The following YES1 variants were observed in gnomAD, a reference collection of about 807,000 sequenced individuals.
The protein encoded by YES1 is tyrosine-protein kinase Yes.
YES1 carries 39 observed loss-of-function variants against 70.4 expected under a neutral mutation model. The ratio of observed to expected loss-of-function variants is 0.55; its 90% CI spans 0.43 to 0.72. The LOEUF is 0.72. Among genes scored for constraint, YES1 ranks in the 30% least tolerant of loss-of-function variants. The probability of loss-of-function intolerance (pLI) is 0.00; values close to 1 mark genes in which losing one functional copy is unlikely to be tolerated. For missense variants in YES1, 495 were observed against 644.8 expected, an observed-to-expected ratio of 0.77 and a Z score of 2.52; for synonymous variants, 198 against 218.6, an observed-to-expected ratio of 0.91 and a Z score of 0.83.
chr18:760,482 AAAC>A (rs575429585), intron 1 of YES1, among the ~76,000 whole-genome samples: 47 of 152,130 alleles, frequency 3.1e-4, no homozygotes, highest in African/African-American at 1.1e-3. Context: ...AAAAACAAAC[AAAC>A]AACAACAACA....
intron 6 of YES1, 77 bp downstream of exon 6, chr18:745,631 A>G: frequency 3.0e-6 from 4 of 1,347,348 alleles, no homozygotes; most frequent in Non-Finnish European, 4.1e-6. Flanking sequence ...AAATCTTAAG[A>G]GAAATGAGGA....
chr18:732,247 T>C (rs1477987965), intron 11 of YES1, among the ~76,000 whole-genome samples: 2 of 151,700 alleles, frequency 1.3e-5, no homozygotes, highest in Non-Finnish European at 2.9e-5. Flanking sequence ...GAGACCAGCT[T>C]AGCCAACATG....
rs1162809631 is a variant in YES1 at position 745,589 on chromosome 18, T to C, written c.724+119A>G. 7.4e-6 allele frequency: 7 copies of C among 950,070 alleles called. No individual in the cohort carries two copies. In the East Asian group the frequency reaches 9.7e-5, roughly 13 times the overall value. 58.9% of individuals were successfully genotyped at this position (950,070 alleles called of 1,614,324 possible). A position where few individuals can be genotyped will look rare whatever the true frequency, so the allele number is the denominator to read the frequency against. On this transcript the variant is annotated intron_variant, in intron 6 of 11. Transcript: ENST00000314574. ...CCCTTTAGAATACAACAGACATTTA[T>C]TGGGCATGTATTATGTGTAAATAAG... is the stretch of plus-strand genomic sequence containing the variant.
rs1339233814 is a variant in YES1, at chr18:723,877, C to T, written c.*547G>A. The T allele has an allele frequency of 2.0e-5, 3 of 153,588 alleles. No homozygotes were observed. Among genetic ancestry groups the T allele is most frequent in the Admixed American group, 1.3e-4 (2 of 15,468 alleles). 9.5% of individuals were successfully genotyped at this position (153,588 alleles called of 1,614,324 possible). On this transcript the variant is annotated 3_prime_UTR_variant, in exon 12 of 12. Coordinates refer to ENST00000314574, the MANE Select transcript of YES1 (RefSeq NM_005433.4). Reference sequence around the variant, plus strand: ...CCTGTTTATATTCCTTTTGAAAAACCTGGCCCATGTCCATGCAAAAGAAAG... The same window carrying T: ...CCTGTTTATATTCCTTTTGAAAAACTTGGCCCATGTCCATGCAAAAGAAAG...
chr18:807,154 T>C (rs915552258), intron 1 of YES1, among the ~76,000 whole-genome samples: 2 of 151,766 alleles, frequency 1.3e-5, no homozygotes, highest in Non-Finnish European at 2.9e-5. Context: ...GCCAACATGG[T>C]GAAACCCTGT....
intron 1 of YES1, among the ~76,000 whole-genome samples, chr18:769,062 T>TA (rs1905038640): frequency 6.6e-6 from 1 of 152,130 alleles, no homozygotes; most frequent in Non-Finnish European, 1.5e-5. Context: ...CAGCATTCAG[T>TA]ATAGTGACAT....
chr18:790,166 A>C (rs1038826535), intron 1 of YES1, among the ~76,000 whole-genome samples: 1 of 152,244 alleles, frequency 6.6e-6, no homozygotes, highest in Non-Finnish European at 1.5e-5. Context: ...ACCTGAGGTC[A>C]GAAGTTTGAG....
chr18:735,477 A>C (rs180951080), intron 10 of YES1, among the ~76,000 whole-genome samples: 61 of 149,118 alleles, frequency 4.1e-4, no homozygotes, highest in Admixed American at 2.7e-3. Context: ...AATATAATGG[A>C]CTTTGGGGAG....
At chr18:733,782 CAAAAAAAAAAAAAA>C (rs71174280) in intron 10 of YES1, among the ~76,000 whole-genome samples, 3 of 59,242 alleles carry the variant, frequency 5.1e-5, no homozygotes, top group African/African-American at 1.2e-4. Context: ...GACTCCGTCT[CAAAAAAAAAAAAAA>C]AAAAAAAAAA....
At chr18:745,066 G>A (rs1240498144) in intron 6 of YES1, among the ~76,000 whole-genome samples, 2 of 152,082 alleles carry the variant, frequency 1.3e-5, no homozygotes, top group African/African-American at 4.8e-5. Flanking sequence ...GACTCAGTTT[G>A]CAGCTAGCTG....
At position 774,863 on chromosome 18, in the gene YES1, T is replaced by TC. The variant is rs138167572; in HGVS notation, c.-8-18029dup. ...AAAGTTCCTACTATGGCCTTCAAGA[T>TC]CCAATAACCTATTATGCAGCCTTCA... On this transcript the variant is annotated intron_variant, in intron 1 of 11. Coordinates refer to ENST00000314574, the MANE Select transcript of YES1 (RefSeq NM_005433.4). Among the ~76,000 whole-genome samples, 640 of 152,218 alleles carry TC rather than the reference T, an allele frequency of 4.2e-3. 3 individuals carry two copies. Among genetic ancestry groups the TC allele is most frequent in the African/African-American group, 0.015 (611 of 41,522 alleles).
intron 9 of YES1, chr18:739,330 T>C (rs898325571): frequency 6.4e-6 from 1 of 155,114 alleles, no homozygotes; most frequent in Admixed American, 6.5e-5. Flanking sequence ...AATTCCATTA[T>C]TGGCCAGGTA....
intron 11 of YES1, among the ~76,000 whole-genome samples, chr18:729,657 C>T (rs1171074844): frequency 3.3e-4 from 43 of 129,176 alleles, no homozygotes; most frequent in African/African-American, 9.8e-4. Context: ...GACAGAGTCT[C>T]GCTCTGTCAC....
At chr18:748,246 TAC>T (rs1339802757) in intron 3 of YES1, among the ~76,000 whole-genome samples, 1 of 152,178 alleles carries the variant, frequency 6.6e-6, no homozygotes, top group Non-Finnish European at 1.5e-5. Flanking sequence ...CTCAAAATCC[TAC>T]ACACTTAGTT....
At chr18:748,649 C>G (rs2080307637) in intron 3 of YES1, among the ~76,000 whole-genome samples, 1 of 152,096 alleles carries the variant, frequency 6.6e-6, no homozygotes, top group Non-Finnish European at 1.5e-5. Flanking sequence ...TTTATGTGGT[C>G]TTTTGTAATT....
chr18:788,293 C>A (rs1240220961), intron 1 of YES1, among the ~76,000 whole-genome samples: 1 of 152,034 alleles, frequency 6.6e-6, no homozygotes, highest in South Asian at 2.1e-4. Context: ...AGCCTTTTAG[C>A]GTGGGCTATA....
intron 11 of YES1, among the ~76,000 whole-genome samples, 183 bp downstream of exon 11, chr18:732,651 T>C (rs2080106050): frequency 6.6e-6 from 1 of 151,944 alleles, no homozygotes; most frequent in South Asian, 2.1e-4. Context: ...TTTCACTGAC[T>C]TACCCGTCCA....
chr18:746,621 C>A (rs1472110477), intron 4 of YES1, among the ~76,000 whole-genome samples: 1 of 152,158 alleles, frequency 6.6e-6, no homozygotes, highest in Non-Finnish European at 1.5e-5. Flanking sequence ...TATTGAGACA[C>A]ATTACAAATC....
chr18:784,846 TTAACTC>T (rs1387128709), intron 1 of YES1, among the ~76,000 whole-genome samples: 2 of 152,218 alleles, frequency 1.3e-5, no homozygotes, highest in Admixed American at 6.5e-5. Context: ...ATCAGGAACT[TTAACTC>T]TACCTGCAAC....
Sources: gnomAD v4.1 joint callset for allele counts (sites outside exome capture counted in the v4.1 genomes callset) on GRCh38, gnomAD v4.1.1 for gene constraint, MANE v1.5 for transcripts, NCBI Gene and HGNC (gene_info 2026-07-23, HGNC 2026-07-21) for gene names.